The following LTBP1 variants were observed in gnomAD, a reference collection of about 807,000 sequenced individuals.
LTBP1 encodes the protein latent-transforming growth factor beta-binding protein 1.
In LTBP1, 129 loss-of-function variants were observed where a neutral mutation model predicts 207.6. The observed-to-expected ratio is 0.62, with a 90% CI of 0.54 to 0.72. The LOEUF (loss-of-function observed/expected upper bound fraction) is 0.72, where lower values mean the gene tolerates loss of function less well. Among genes scored for constraint, LTBP1 ranks in the 30% least tolerant of loss-of-function variants. LTBP1 has a pLI of 0.00. For missense variants in LTBP1, 2,281 were observed against 2,217.2 expected (o/e 1.03, Z -0.58); for synonymous variants, 963 against 833.7 (o/e 1.16, Z -2.67).
At chr2:33,366,475 A>G (rs1276864611) in intron 31 of LTBP1, among the ~76,000 whole-genome samples, 1 of 152,250 alleles carries the variant, frequency 6.6e-6, no homozygotes, top group African/African-American at 2.4e-5. Context: ...ACGTAGCATG[A>G]AAGAGAAAAT....
At chr2:32,950,541 A>G (rs1441838825) in intron 2 of LTBP1, among the ~76,000 whole-genome samples, 1 of 142,020 alleles carries the variant, frequency 7.0e-6, no homozygotes, top group Non-Finnish European at 1.5e-5. Flanking sequence ...CCTGGGTGAC[A>G]ATGACTCTGT....
intron 4 of LTBP1, among the ~76,000 whole-genome samples, chr2:33,133,133 TG>T (rs554819132): frequency 1.1e-3 from 163 of 152,310 alleles, no homozygotes; most frequent in African/African-American, 3.6e-3. Flanking sequence ...AGAAAACCTC[TG>T]GGGCCCCATT....
chr2:33,266,710 A>G (rs551510654), intron 15 of LTBP1, among the ~76,000 whole-genome samples: 1 of 152,130 alleles, frequency 6.6e-6, no homozygotes, highest in Admixed American at 6.5e-5. Context: ...GCTTTTCAGG[A>G]TGACGTGCCC....
rs191479385 is a variant in LTBP1, at chr2:32,996,703, A to G, written c.566-24206A>G. Reference sequence around the variant, plus strand: ...TTGCACAACAAACCCATGAAGAGTTATTATCACCCACATTACACAGATCAG... The same window carrying G: ...TTGCACAACAAACCCATGAAGAGTTGTTATCACCCACATTACACAGATCAG... On this transcript the variant is annotated intron_variant, in intron 2 of 33. Transcript: ENST00000404816. 2.4e-4 allele frequency among the ~76,000 whole-genome samples: 37 copies of G among 152,244 alleles called. No homozygotes were observed. In the East Asian group the frequency reaches 6.4e-3, roughly 26 times the overall value.
At chr2:33,339,508 C>T (rs2094591205) in intron 24 of LTBP1, among the ~76,000 whole-genome samples, 1 of 152,160 alleles carries the variant, frequency 6.6e-6, no homozygotes, top group African/African-American at 2.4e-5. Flanking sequence ...AGTTCCTCCT[C>T]AAGTTGTGAT....
At chr2:33,053,891 A>T (rs2076864496) in intron 3 of LTBP1, among the ~76,000 whole-genome samples, 1 of 152,160 alleles carries the variant, frequency 6.6e-6, no homozygotes, top group Non-Finnish European at 1.5e-5. Context: ...CCACATATTG[A>T]AGGACCAGAG....
In LTBP1 at chr2:33,199,023, C is replaced by G. The variant is rs575420171; in HGVS notation, c.1701+10172C>G. 5.3e-5 allele frequency among the ~76,000 whole-genome samples: 8 copies of G among 152,144 alleles called. No homozygotes were observed. The South Asian group carries it at 1.7e-3, about 32-fold the overall frequency. Reference sequence around the variant, plus strand: ...CAGTTTTGGATCTTTCCTGCTTTCTCTTGTGGGCATTTAGTGCTATAAATT... The same window carrying G: ...CAGTTTTGGATCTTTCCTGCTTTCTGTTGTGGGCATTTAGTGCTATAAATT... On this transcript the variant is annotated intron_variant, in intron 7 of 33. Transcript: ENST00000404816.
At chr2:33,359,725 T>C (rs2094904968) in intron 26 of LTBP1, among the ~76,000 whole-genome samples, 1 of 152,204 alleles carries the variant, frequency 6.6e-6, no homozygotes, top group Non-Finnish European at 1.5e-5. Flanking sequence ...CTCCATAGTA[T>C]ACAGGAGAGA....
At chr2:33,361,839 T>C (rs1373037972) in intron 28 of LTBP1, among the ~76,000 whole-genome samples, 1 of 152,194 alleles carries the variant, frequency 6.6e-6, no homozygotes, top group Non-Finnish European at 1.5e-5. Flanking sequence ...AGTAGATACT[T>C]ACTAAATATT....
intron 13 of LTBP1, among the ~76,000 whole-genome samples, chr2:33,260,616 G>A (rs1413801024): frequency 6.6e-6 from 1 of 152,150 alleles, no homozygotes; most frequent in African/African-American, 2.4e-5. Flanking sequence ...CAATTTTGGA[G>A]TGATAGCACT....
At chr2:32,951,661 A>G (rs577113900) in intron 2 of LTBP1, among the ~76,000 whole-genome samples, 10 of 152,334 alleles carry the variant, frequency 6.6e-5, no homozygotes, top group Admixed American at 2.0e-4. Context: ...CTCAGAAATG[A>G]CTGTGCTAAA....
intron 2 of LTBP1, among the ~76,000 whole-genome samples, chr2:32,994,209 G>T (rs1344962059): frequency 1.3e-5 from 2 of 152,134 alleles, no homozygotes; most frequent in Non-Finnish European, 2.9e-5. Context: ...CCACCCACTC[G>T]AGTTAGCAAG....
intron 7 of LTBP1, among the ~76,000 whole-genome samples, chr2:33,190,810 C>A (rs987120207): frequency 2.6e-5 from 4 of 151,796 alleles, no homozygotes; most frequent in Non-Finnish European, 5.9e-5. Flanking sequence ...ACAAACACAG[C>A]CCTCATTGGC....
At chr2:33,045,205 T>C (rs2076387134) in intron 3 of LTBP1, among the ~76,000 whole-genome samples, 1 of 152,220 alleles carries the variant, frequency 6.6e-6, no homozygotes, top group African/African-American at 2.4e-5. Flanking sequence ...ATGTCCTGAA[T>C]GGTATTGCCT....
intron 32 of LTBP1, among the ~76,000 whole-genome samples, chr2:33,390,370 A>T (rs540976180): frequency 2.0e-5 from 3 of 152,330 alleles, no homozygotes; most frequent in Admixed American, 6.5e-5. Context: ...CAGGAGGTCC[A>T]CAATGAAATA....
intron 7 of LTBP1, among the ~76,000 whole-genome samples, chr2:33,203,597 C>T (rs577684000): frequency 7.9e-5 from 12 of 152,254 alleles, no homozygotes; most frequent in African/African-American, 2.9e-4. Flanking sequence ...TGTGTTTCTT[C>T]ATTGGTTCTC....
intron 20 of LTBP1, among the ~76,000 whole-genome samples, chr2:33,298,807 T>G (rs1038250920): frequency 3.7e-4 from 57 of 152,184 alleles, no homozygotes; most frequent in African/African-American, 1.2e-3. Flanking sequence ...TATGAAATAT[T>G]AAATAAAATA....
intron 31 of LTBP1, among the ~76,000 whole-genome samples, chr2:33,372,648 C>A (rs989913392): frequency 1.3e-5 from 2 of 152,166 alleles, no homozygotes; most frequent in Non-Finnish European, 2.9e-5. Flanking sequence ...CAGAGGTGGG[C>A]AGATCACTTA....
intron 3 of LTBP1, among the ~76,000 whole-genome samples, chr2:33,062,632 G>A (rs189119108): frequency 4.6e-5 from 7 of 152,288 alleles, no homozygotes; most frequent in Admixed American, 3.9e-4. Context: ...CTATTTGGGA[G>A]TTTCCAGCTA....
Sources: allele counts gnomAD v4.1 joint callset (sites outside exome capture counted in the v4.1 genomes callset), GRCh38; gene constraint gnomAD v4.1.1; transcripts MANE v1.5; gene names NCBI Gene and HGNC (gene_info 2026-07-23, HGNC 2026-07-21).